Variants in RORA observed in about 807,000 individuals in gnomAD.
RORA encodes nuclear receptor ROR-alpha.
A neutral mutation model predicts 69.5 loss-of-function variants in RORA; 7 were observed. The ratio of observed to expected loss-of-function variants is 0.10; its 90% CI spans 0.06 to 0.19. The LOEUF (loss-of-function observed/expected upper bound fraction) is 0.19. Ranked by LOEUF, RORA falls within the 10% of genes least tolerant of loss-of-function variation. RORA has a pLI of 1.00. For missense variants in RORA, 457 were observed against 663.0 expected (o/e 0.69, Z 3.41); for synonymous variants, 261 against 240.8 (o/e 1.08, Z -0.78).
At chr15:61,031,333 T>C (rs1896157744) in intron 1 of RORA, among the ~76,000 whole-genome samples, 1 of 152,218 alleles carries the variant, frequency 6.6e-6, no homozygotes, top group South Asian at 2.1e-4. Flanking sequence ...CTGGGATCTA[T>C]AATGCTCAAA....
intron 2 of RORA, chr15:60,556,950 A>G: frequency 1.9e-6 from 3 of 1,587,684 alleles, no homozygotes; most frequent in Non-Finnish European, 2.6e-6. Context: ...ACCCCAATCC[A>G]ATGATAAAGG....
intron 2 of RORA, among the ~76,000 whole-genome samples, chr15:60,675,786 A>T (rs1300619933): frequency 6.6e-6 from 1 of 152,148 alleles, no homozygotes; most frequent in Non-Finnish European, 1.5e-5. Flanking sequence ...ATTCAGGCTC[A>T]TTTTGCAGTA....
intron 1 of RORA, among the ~76,000 whole-genome samples, chr15:60,763,096 T>A (rs55814125): frequency 0.04 from 4,372 of 109,278 alleles, 138 homozygotes; most frequent in African/African-American, 0.055. Flanking sequence ...TTTTTTTTTT[T>A]AACCAACCTA....
chr15:60,845,081 A>G (rs2073248831), intron 1 of RORA, among the ~76,000 whole-genome samples: 1 of 152,152 alleles, frequency 6.6e-6, no homozygotes, highest in African/African-American at 2.4e-5. Context: ...TTAAAGTGAA[A>G]TTCACAAGTC....
intron 2 of RORA, among the ~76,000 whole-genome samples, chr15:60,548,618 G>A (rs767315487): frequency 1.3e-5 from 2 of 152,056 alleles, no homozygotes; most frequent in Non-Finnish European, 2.9e-5. Context: ...TACACTTCAC[G>A]GTAAATAGCA....
chr15:61,050,822 T>C (rs1323483823), intron 1 of RORA, among the ~76,000 whole-genome samples: 1 of 152,186 alleles, frequency 6.6e-6, no homozygotes, highest in Non-Finnish European at 1.5e-5. Flanking sequence ...ATAGGTACTA[T>C]TATTATCCCA....
intron 1 of RORA, among the ~76,000 whole-genome samples, chr15:61,158,152 T>C (rs966545832): frequency 1.3e-5 from 2 of 152,198 alleles, no homozygotes; most frequent in Middle Eastern, 3.2e-3. Context: ...CGCCAAGTCC[T>C]TGTCCACAGA....
intron 1 of RORA, among the ~76,000 whole-genome samples, chr15:60,783,177 G>T (rs985610897): frequency 1.1e-4 from 16 of 152,014 alleles, no homozygotes; most frequent in Admixed American, 8.5e-4. Context: ...AATACAAAGG[G>T]GGTGCATGTA....
At chr15:60,866,190 C>G (rs1289142964) in intron 1 of RORA, among the ~76,000 whole-genome samples, 1 of 152,180 alleles carries the variant, frequency 6.6e-6, no homozygotes, top group Non-Finnish European at 1.5e-5. Flanking sequence ...ACCATCTCCT[C>G]TTTATATCCA....
intron 1 of RORA, among the ~76,000 whole-genome samples, chr15:60,970,438 C>A (rs189914472): frequency 2.0e-5 from 3 of 152,338 alleles, no homozygotes; most frequent in Admixed American, 1.3e-4. Context: ...CCACTGCGTG[C>A]CAGGCATTGT....
chr15:61,223,348 C>A (rs570793544), intron 1 of RORA, among the ~76,000 whole-genome samples: 5 of 149,782 alleles, frequency 3.3e-5, no homozygotes, highest in African/African-American at 1.2e-4. Context: ...GACTTTACAT[C>A]CTCTTTAACT....
intron 1 of RORA, among the ~76,000 whole-genome samples, chr15:60,772,511 G>A (rs867515179): frequency 8.5e-5 from 13 of 152,152 alleles, no homozygotes; most frequent in Admixed American, 2.6e-4. Flanking sequence ...TGTTTTAAAT[G>A]TTTCTCTTTA....
At chr15:60,748,415 G>T (rs954320529) in intron 1 of RORA, among the ~76,000 whole-genome samples, 3 of 151,896 alleles carry the variant, frequency 2.0e-5, no homozygotes, top group African/African-American at 7.3e-5. Context: ...TGAACCATCT[G>T]CATTCAAATA....
At chr15:60,843,711 T>C (rs55878740) in intron 1 of RORA, among the ~76,000 whole-genome samples, 62,955 of 152,072 alleles carry the variant, frequency 0.41, 13,278 homozygotes, top group Admixed American at 0.47. Flanking sequence ...AGCCAAAGGC[T>C]GAGTCAGAAC....
At chr15:60,696,372 C>CAA (rs111744870) in intron 1 of RORA, among the ~76,000 whole-genome samples, 1,625 of 150,642 alleles carry the variant, frequency 0.011, 25 homozygotes, top group African/African-American at 0.032. Flanking sequence ...GGCTGATTTA[C>CAA]AGAAAAAAAA....
At chr15:60,939,605 G>T (rs777182962) in intron 1 of RORA, among the ~76,000 whole-genome samples, 10 of 152,174 alleles carry the variant, frequency 6.6e-5, no homozygotes, top group Admixed American at 1.3e-4. Context: ...AGCACAGGGC[G>T]GCCGTGTCGG....
intron 1 of RORA, among the ~76,000 whole-genome samples, chr15:60,684,558 A>T (rs1461578563): frequency 6.6e-6 from 1 of 152,206 alleles, no homozygotes; most frequent in Non-Finnish European, 1.5e-5. Context: ...TGGAGGTTGC[A>T]GTGAGTTGAG....
chr15:60,515,111 A>G (rs2065821019), intron 3 of RORA, among the ~76,000 whole-genome samples: 1 of 152,192 alleles, frequency 6.6e-6, no homozygotes, highest in Non-Finnish European at 1.5e-5. Flanking sequence ...CTTTATCTCT[A>G]AGAGATTGTT....
At chr15:60,567,418 T>C (rs2067749009) in intron 2 of RORA, among the ~76,000 whole-genome samples, 1 of 148,856 alleles carries the variant, frequency 6.7e-6, no homozygotes, top group South Asian at 2.1e-4. Flanking sequence ...TTATTATTAT[T>C]TTTTTTTTTC....
Sources: gnomAD v4.1 joint callset for allele counts (sites outside exome capture counted in the v4.1 genomes callset) on GRCh38, gnomAD v4.1.1 for gene constraint, MANE v1.5 for transcripts, NCBI Gene and HGNC (gene_info 2026-07-23, HGNC 2026-07-21) for gene names.